SLIT2: variants seen among roughly 807,000 people sequenced by gnomAD.
SLIT2 encodes slit homolog 2 protein.
SLIT2 carries 41 observed loss-of-function variants against 185.7 expected under a neutral mutation model. The ratio of observed to expected loss-of-function variants is 0.22; its 90% CI spans 0.17 to 0.29. SLIT2 has a LOEUF of 0.29. Ranked by LOEUF, SLIT2 falls within the 10% of genes least tolerant of loss-of-function variation. SLIT2 has a pLI of 1.00. For missense variants in SLIT2, 1,571 were observed against 1,909.0 expected (o/e 0.82, Z 3.30); for synonymous variants, 693 against 680.2 (o/e 1.02, Z -0.29).
At chr4:20,291,051 T>C (rs1477582484) in intron 4 of SLIT2, among the ~76,000 whole-genome samples, 3 of 152,074 alleles carry the variant, frequency 2.0e-5, no homozygotes. Flanking sequence ...CCCAACTATT[T>C]TTTTTTCATC....
At chr4:20,408,293 A>G (rs1409384461) in intron 4 of SLIT2, among the ~76,000 whole-genome samples, 2 of 152,192 alleles carry the variant, frequency 1.3e-5, no homozygotes, top group Non-Finnish European at 2.9e-5. Context: ...TGCGATAAAA[A>G]CATTTATATA....
intron 4 of SLIT2, among the ~76,000 whole-genome samples, chr4:20,363,445 G>A (rs959519825): frequency 6.6e-6 from 1 of 152,084 alleles, no homozygotes; most frequent in African/African-American, 2.4e-5. Flanking sequence ...TATTGTTTCT[G>A]TCTTTAGGTT....
chr4:20,525,033 A>G (rs78167876), intron 14 of SLIT2, 116 bp from the exon 15 acceptor site: 7,858 of 740,300 alleles, frequency 0.011, 234 homozygotes, highest in East Asian at 0.09. Context: ...AGCTGTGAAT[A>G]TACATTTTTC....
intron 30 of SLIT2, among the ~76,000 whole-genome samples, chr4:20,590,346 A>G (rs1015491748): frequency 1.3e-5 from 2 of 152,186 alleles, no homozygotes; most frequent in Non-Finnish European, 2.9e-5. Context: ...AACCGGTGAC[A>G]TTTGTAATGT....
intron 30 of SLIT2, among the ~76,000 whole-genome samples, chr4:20,595,101 A>G (rs545308527): frequency 6.6e-6 from 1 of 152,158 alleles, no homozygotes; most frequent in African/African-American, 2.4e-5. Flanking sequence ...ATTTTCTATC[A>G]GTTCTTCTAT....
Position 20,539,458 on chromosome 4 carries a change from G to C in SLIT2, c.1850G>C (p.Arg617Pro), listed in dbSNP as rs372629514. ...CCCCTCAGGATGTTGAGAAGCAATC[G>C]AATAACCTGTGTGGGGAATGACAGT... ...SLKTLMLRSN[R>P]ITCVGNDSFI... Residue 617 changes from arginine (R) to proline (P), a missense_variant, in exon 19 of 37, where the codon CGA becomes CCA. By Grantham distance (103) the Arg-to-Pro change is moderately radical. This residue lies in a region of SLIT2 where 1,202 missense variants were observed against 1,416.4 expected (regional missense o/e 0.85). Transcript: ENST00000504154. 6.2e-7 allele frequency: 1 copy of C among 1,612,076 alleles called. No homozygotes were observed. The highest frequency in any genetic ancestry group is 8.5e-7 in the Non-Finnish European group (1 of 1,179,264).
intron 4 of SLIT2, among the ~76,000 whole-genome samples, chr4:20,348,926 C>T (rs1721650529): frequency 1.3e-5 from 2 of 152,172 alleles, no homozygotes; most frequent in Non-Finnish European, 2.9e-5. Flanking sequence ...GCTTCTGAAT[C>T]TAAACAAATC....
chr4:20,524,280 C>G (rs1172988664), intron 14 of SLIT2, 103 bp downstream of exon 14: 1 of 998,338 alleles, frequency 1.0e-6, no homozygotes, highest in Non-Finnish European at 1.5e-6. Context: ...ACTGTAGAAT[C>G]ATATTTCTTT....
chr4:20,535,237 T>C (rs1161156752), intron 18 of SLIT2, among the ~76,000 whole-genome samples: 1 of 151,868 alleles, frequency 6.6e-6, no homozygotes, highest in African/African-American at 2.4e-5. Context: ...AGGCGGAGAT[T>C]GCAGTGAGCC....
At chr4:20,305,278 C>T (rs1717432267) in intron 4 of SLIT2, among the ~76,000 whole-genome samples, 1 of 151,508 alleles carries the variant, frequency 6.6e-6, no homozygotes, top group Admixed American at 6.6e-5. Context: ...ATATATACAC[C>T]AAAAAAAGAA....
At chr4:20,507,915 G>A (rs917538213) in intron 9 of SLIT2, among the ~76,000 whole-genome samples, 28 of 151,790 alleles carry the variant, frequency 1.8e-4, no homozygotes, top group African/African-American at 5.8e-4. Context: ...TCTATAGCTC[G>A]TATTCTCTGT....
intron 11 of SLIT2, among the ~76,000 whole-genome samples, chr4:20,512,718 A>G (rs1560489444): frequency 6.6e-6 from 1 of 152,192 alleles, no homozygotes; most frequent in Non-Finnish European, 1.5e-5. Flanking sequence ...CAAAAGGCAA[A>G]TCAGCATGTC....
At chr4:20,460,437 C>G (rs1478148341) in intron 4 of SLIT2, among the ~76,000 whole-genome samples, 1 of 152,138 alleles carries the variant, frequency 6.6e-6, no homozygotes, top group East Asian at 1.9e-4. Flanking sequence ...TTTAAGTGAG[C>G]TGATTAACAA....
At chr4:20,458,696 C>G (rs760255303) in intron 4 of SLIT2, among the ~76,000 whole-genome samples, 1 of 152,158 alleles carries the variant, frequency 6.6e-6, no homozygotes, top group Non-Finnish European at 1.5e-5. Flanking sequence ...AGCAGGATAG[C>G]AGTGCTTCAG....
intron 26 of SLIT2, among the ~76,000 whole-genome samples, chr4:20,561,165 A>C (rs1577928261): frequency 6.6e-6 from 1 of 151,788 alleles, no homozygotes; most frequent in Admixed American, 6.6e-5. Context: ...CATGAGCTCA[A>C]AAGAAAGGCC....
intron 4 of SLIT2, among the ~76,000 whole-genome samples, chr4:20,350,295 T>C (rs976438368): frequency 6.6e-6 from 1 of 152,140 alleles, no homozygotes; most frequent in African/African-American, 2.4e-5. Context: ...CTTGCTTTTT[T>C]TTTTTAATGC....
At chr4:20,570,333 A>G (rs1465334343) in intron 29 of SLIT2, among the ~76,000 whole-genome samples, 1 of 152,028 alleles carries the variant, frequency 6.6e-6, no homozygotes, top group African/African-American at 2.4e-5. Context: ...TAGCAAGTAT[A>G]TTCAACATGC....
intron 26 of SLIT2, among the ~76,000 whole-genome samples, chr4:20,565,880 C>T (rs1372612005): frequency 1.3e-5 from 2 of 151,976 alleles, no homozygotes; most frequent in African/African-American, 4.8e-5. Flanking sequence ...CACTACAGGA[C>T]ACTATCATTT....
intron 2 of SLIT2, among the ~76,000 whole-genome samples, chr4:20,256,986 C>T (rs1489174474): frequency 2.6e-5 from 4 of 152,020 alleles, no homozygotes; most frequent in African/African-American, 9.7e-5. Flanking sequence ...CTTTGTTATA[C>T]CATACCCTAA....
Sources: gnomAD v4.1 joint callset for allele counts (sites outside exome capture counted in the v4.1 genomes callset) on GRCh38, gnomAD v4.1.1 for gene constraint, gnomAD v4.1.1 regional missense constraint, MANE v1.5 for transcripts, NCBI Gene and HGNC (gene_info 2026-07-23, HGNC 2026-07-21) for gene names.